Variants in LARS1 observed in about 807,000 individuals in gnomAD.
LARS1 encodes the protein leucyl-tRNA synthetase 1.
Under a neutral mutation model 162.8 loss-of-function variants are expected in LARS1, and 100 were observed. The ratio of observed to expected loss-of-function variants is 0.61; its 90% CI spans 0.52 to 0.73. The LOEUF is 0.73. LARS1 is among the 30% of genes least tolerant of loss of function. The pLI is 0.00. For synonymous variants in LARS1, 457 were observed against 462.8 expected (o/e 0.99, Z 0.16); for missense variants, 1,258 against 1,408.9 (o/e 0.89, Z 1.71).
intron 31 of LARS1, 91 bp from the exon 32 acceptor site, chr5:146,114,402 T>C (rs992064764): frequency 3.5e-5 from 34 of 972,016 alleles, no homozygotes; most frequent in Non-Finnish European, 5.1e-5. Context: ...AATACGCTGG[T>C]TGTTATATCT....
rs1751872445 is a variant in LARS1, at chr5:146,122,511, A to C, written c.3173T>G (p.Leu1058Arg). The change falls in exon 30 of 32, where the codon CTT becomes CGT. Residue 1058 changes from leucine (L) to arginine (R), a missense_variant. Coordinates refer to ENST00000394434, the MANE Select transcript of LARS1 (RefSeq NM_020117.11). ...IREDCCPGKP[L>R]NVFRIEPGVS... ...ACTTACTTCTATTCTAAAAACATTAAGTGGTTTCCCAGGACAGCAGTCTTC... is the reference window on the plus strand; with the variant it reads ...ACTTACTTCTATTCTAAAAACATTACGTGGTTTCCCAGGACAGCAGTCTTC... 7 of 1,600,236 alleles carry C rather than the reference A, an allele frequency of 4.4e-6. No individual in the cohort carries two copies. The highest frequency in any genetic ancestry group is 1.3e-5 in the African/African-American group (1 of 74,556).
chr5:146,172,417 G>A (rs1754323764), intron 3 of LARS1, among the ~76,000 whole-genome samples: 1 of 152,056 alleles, frequency 6.6e-6, no homozygotes, highest in South Asian at 2.1e-4. Context: ...TCGGGAGGCT[G>A]AGGCAGAAGA....
chr5:146,160,970 G>C (rs1753752812), intron 6 of LARS1, among the ~76,000 whole-genome samples: 1 of 152,048 alleles, frequency 6.6e-6, no homozygotes, highest in Admixed American at 6.6e-5. Context: ...ATTAGGAATT[G>C]GTCCAAATCT....
At chr5:146,121,075 G>T (rs80286736) in intron 30 of LARS1, among the ~76,000 whole-genome samples, 16,756 of 152,024 alleles carry the variant, frequency 0.11, 1,172 homozygotes, top group Non-Finnish European at 0.15. Flanking sequence ...ACTTGAAAAT[G>T]GTTTGAAATA....
intron 4 of LARS1, 145 bp downstream of exon 4, chr5:146,171,765 T>C (rs555043884): frequency 1.1e-4 from 66 of 574,832 alleles, no homozygotes; most frequent in Non-Finnish European, 1.7e-4. Context: ...GTTGTTTATT[T>C]TTAAATTAAT....
rs571245041 is a variant in LARS1 at position 146,160,304 on chromosome 5, G to A, written c.707+70C>T. ...CCTCACCTCAGTTTCCCAAAGCACT[G>A]GGATTACAGGCGTGAGCCTCTGTGC... On this transcript the variant is annotated intron_variant, in intron 7 of 31. Coordinates refer to ENST00000394434, the MANE Select transcript of LARS1 (RefSeq NM_020117.11). 1.7e-5 allele frequency: 14 copies of A among 801,418 alleles called. No individual in the cohort carries two copies. The African/African-American group carries it at 2.0e-4, about 11-fold the overall frequency. 49.6% of individuals were successfully genotyped at this position (801,418 alleles called of 1,614,324 possible). A position where few individuals can be genotyped will look rare whatever the true frequency, so the allele number is the denominator to read the frequency against.
rs1259807071 is a variant in LARS1, at chr5:146,152,889, G to A, written c.1284+285C>T. Among the ~76,000 whole-genome samples the A allele has an allele frequency of 2.7e-4, 41 of 152,274 alleles. 2 individuals are homozygous for A. The highest frequency in any genetic ancestry group is 2.7e-3 in the Admixed American group (41 of 15,288). On this transcript the variant is annotated intron_variant, in intron 13 of 31. Transcript: ENST00000394434. ...AAAGGGCAAAATTTTATCTTTAGAAGCCAGGAAATTGATCACACTAGCAAA... is the reference window on the plus strand; with the variant it reads ...AAAGGGCAAAATTTTATCTTTAGAAACCAGGAAATTGATCACACTAGCAAA...
At chr5:146,169,625 T>C (rs1008835220) in intron 4 of LARS1, among the ~76,000 whole-genome samples, 6 of 152,018 alleles carry the variant, frequency 3.9e-5, no homozygotes, top group African/African-American at 1.4e-4. Context: ...TTCGGCTCAC[T>C]GCAACCTCTA....
At chr5:146,164,092 T>C (rs1265809563) in intron 6 of LARS1, among the ~76,000 whole-genome samples, 2 of 126,290 alleles carry the variant, frequency 1.6e-5, no homozygotes, top group Non-Finnish European at 3.4e-5. Flanking sequence ...CCATAACAGA[T>C]AATAATAAAG....
At chr5:146,117,866 G>A (rs2126355128) in intron 31 of LARS1, among the ~76,000 whole-genome samples, 1 of 152,318 alleles carries the variant, frequency 6.6e-6, no homozygotes, top group Non-Finnish European at 1.5e-5. Flanking sequence ...ATGAGGTACT[G>A]AGAACAGTCA....
chr5:146,164,949 A>C (rs1330712424), intron 5 of LARS1, among the ~76,000 whole-genome samples: 1 of 152,168 alleles, frequency 6.6e-6, no homozygotes, highest in African/African-American at 2.4e-5. Flanking sequence ...GCATAAGAAA[A>C]TTTTGAGGAT....
chr5:146,160,057 A>G (rs1753709257), intron 7 of LARS1, among the ~76,000 whole-genome samples: 1 of 146,276 alleles, frequency 6.8e-6, no homozygotes. Context: ...AAGGATACAA[A>G]AGAATAGAAA....
chr5:146,141,118 T>G (rs1161349920), intron 20 of LARS1, among the ~76,000 whole-genome samples: 1 of 152,198 alleles, frequency 6.6e-6, no homozygotes, highest in Non-Finnish European at 1.5e-5. Flanking sequence ...TTTCAAACTA[T>G]GTACATGTCA....
intron 8 of LARS1, among the ~76,000 whole-genome samples, chr5:146,158,854 T>A (rs1753644179): frequency 1.3e-5 from 2 of 152,100 alleles, no homozygotes; most frequent in South Asian, 2.1e-4. Context: ...CTCAGCACTT[T>A]GGGAGGCCAA....
intron 2 of LARS1, among the ~76,000 whole-genome samples, chr5:146,174,501 CATATAT>C (rs377020148): frequency 1.2e-3 from 26 of 22,236 alleles, no homozygotes; most frequent in African/African-American, 4.8e-3. Flanking sequence ...TATATATATC[CATATAT>C]ATATATATAT....
At chr5:146,130,834 T>C (rs1389118546) in intron 24 of LARS1, 185 bp downstream of exon 24, 7 of 443,088 alleles carry the variant, frequency 1.6e-5, no homozygotes, top group Non-Finnish European at 2.8e-5. Context: ...ATGGACACAA[T>C]AGAAAAAATA....
chr5:146,114,396 C>G, intron 31 of LARS1, 85 bp from the exon 32 acceptor site: 1 of 1,058,240 alleles, frequency 9.4e-7, no homozygotes. Context: ...GTTTTAAATA[C>G]GCTGGTTGTT....
At chr5:146,127,871 T>G (rs1228514954) in intron 27 of LARS1, among the ~76,000 whole-genome samples, 1 of 152,118 alleles carries the variant, frequency 6.6e-6, no homozygotes, top group African/African-American at 2.4e-5. Flanking sequence ...CTATGAAAAG[T>G]GTTGAGGCAA....
chr5:146,160,886 C>CA (rs1406042162), intron 6 of LARS1, among the ~76,000 whole-genome samples: 9 of 152,086 alleles, frequency 5.9e-5, no homozygotes, highest in Admixed American at 3.9e-4. Context: ...GACCCATAGG[C>CA]AATGTTAGGT....
Sources: gnomAD v4.1 joint callset for allele counts (sites outside exome capture counted in the v4.1 genomes callset) on GRCh38, gnomAD v4.1.1 for gene constraint, MANE v1.5 for transcripts, NCBI Gene and HGNC (gene_info 2026-07-23, HGNC 2026-07-21) for gene names.